PPP2R3A: variants seen among roughly 807,000 people sequenced by gnomAD.
The protein encoded by PPP2R3A is protein phosphatase 2 regulatory subunit B''alpha, also known as serine/threonine-protein phosphatase 2A regulatory subunit B'' subunit alpha.
PPP2R3A carries 80 observed loss-of-function variants against 106.9 expected under a neutral mutation model. The ratio of observed to expected loss-of-function variants is 0.75; its 90% CI spans 0.62 to 0.90. The LOEUF is 0.90. Ranked by LOEUF, PPP2R3A falls within the 40% of genes least tolerant of loss-of-function variation. The pLI is 0.00. For missense variants in PPP2R3A, 1,386 were observed against 1,350.4 expected, an observed-to-expected ratio of 1.03 and a Z score of -0.41; for synonymous variants, 483 against 468.3, an observed-to-expected ratio of 1.03 and a Z score of -0.41.
intron 13 of PPP2R3A, among the ~76,000 whole-genome samples, chr3:136,133,107 A>G (rs1306026636): frequency 6.6e-6 from 1 of 152,182 alleles, no homozygotes; most frequent in Non-Finnish European, 1.5e-5. Context: ...AAAACAAAGG[A>G]AAATCTTTGT....
chr3:135,968,980 C>T (rs1937167265), intron 1 of PPP2R3A, among the ~76,000 whole-genome samples: 1 of 152,028 alleles, frequency 6.6e-6, no homozygotes, highest in Non-Finnish European at 1.5e-5. Flanking sequence ...AGATTGTTTC[C>T]AGTAATTTAC....
rs765710461 is a variant in PPP2R3A, at chr3:136,003,352, A to G, written c.1854A>G (p.Glu618=). 4 of 1,613,886 alleles carry G rather than the reference A, an allele frequency of 2.5e-6. No individual in the cohort carries two copies. The African/African-American group carries it at 5.3e-5, about 22-fold the overall frequency. ...CAAGCAGAGGGAGCCTATCACAAGAAAAGGAAATGATGCAAATTCTACAGG... is the reference window on the plus strand; with the variant it reads ...CAAGCAGAGGGAGCCTATCACAAGAGAAGGAAATGATGCAAATTCTACAGG... ...CKSSRGSLSQ[E]KEMMQILQET... Residue 618 remains glutamate (E), a synonymous_variant, in exon 2 of 14, where the codon GAA becomes GAG. Coordinates refer to ENST00000264977, the MANE Select transcript of PPP2R3A (RefSeq NM_002718.5).
At chr3:136,111,129 A>G (rs1168753285) in intron 13 of PPP2R3A, among the ~76,000 whole-genome samples, 1 of 152,222 alleles carries the variant, frequency 6.6e-6, no homozygotes, top group Admixed American at 6.5e-5. Flanking sequence ...TGGATCCTAG[A>G]GGAAACAGTG....
chr3:136,120,670 CA>C (rs1002071151), intron 13 of PPP2R3A, among the ~76,000 whole-genome samples: 1 of 151,958 alleles, frequency 6.6e-6, no homozygotes, highest in Non-Finnish European at 1.5e-5. Flanking sequence ...AAAATATTCT[CA>C]AACTGTGCAT....
At chr3:136,027,123 C>T in intron 3 of PPP2R3A, 25 bp downstream of exon 3, 1 of 1,586,938 alleles carries the variant, frequency 6.3e-7, no homozygotes, top group Non-Finnish European at 8.6e-7. Flanking sequence ...AAATGATTTA[C>T]AATCTCCCCT....
rs753324812 is a variant in PPP2R3A at position 136,090,561 on chromosome 3, C to T, written c.2838-17C>T. 1 of 1,596,406 alleles carries T rather than the reference C, an allele frequency of 6.3e-7. No individual in the cohort carries two copies. Among genetic ancestry groups the T allele is most frequent in the Admixed American group, 1.7e-5 (1 of 59,872 alleles). On this transcript the variant is annotated splice_polypyrimidine_tract_variant and intron_variant, in intron 9 of 13. Coordinates refer to ENST00000264977, the MANE Select transcript of PPP2R3A (RefSeq NM_002718.5). ...AGTAATTGCTCAGGAAATTTTATAA[C>T]CATGTGTTTTCTTTAGGGGAAAAAC...
chr3:136,080,994 TTTC>T (rs1936762692), intron 7 of PPP2R3A, among the ~76,000 whole-genome samples: 1 of 150,280 alleles, frequency 6.7e-6, no homozygotes, highest in Admixed American at 6.6e-5. Context: ...GTGTTTCTTT[TTTC>T]TTTTTTTTTT....
At chr3:135,983,715 T>C (rs545008797) in intron 1 of PPP2R3A, among the ~76,000 whole-genome samples, 1 of 152,254 alleles carries the variant, frequency 6.6e-6, no homozygotes, top group Non-Finnish European at 1.5e-5. Context: ...GGCTTTATGC[T>C]TAGCCTTATG....
intron 5 of PPP2R3A, among the ~76,000 whole-genome samples, chr3:136,058,770 C>T (rs1039245025): frequency 6.6e-6 from 1 of 151,852 alleles, no homozygotes; most frequent in East Asian, 1.9e-4. Flanking sequence ...TACAAGGCTA[C>T]ACAGTGTGGT....
chr3:136,011,793 G>C (rs1174246403), intron 2 of PPP2R3A, among the ~76,000 whole-genome samples: 2 of 152,164 alleles, frequency 1.3e-5, no homozygotes, highest in Non-Finnish European at 2.9e-5. Flanking sequence ...CCCTCTCATG[G>C]ATCTACTTTT....
intron 3 of PPP2R3A, among the ~76,000 whole-genome samples, chr3:136,038,327 C>T (rs1463219893): frequency 6.6e-6 from 1 of 152,150 alleles, no homozygotes; most frequent in Non-Finnish European, 1.5e-5. Context: ...TGTACCCTGT[C>T]TCTGAGGATT....
chr3:136,060,026 A>T (rs1017034587), intron 5 of PPP2R3A, among the ~76,000 whole-genome samples: 3 of 152,188 alleles, frequency 2.0e-5, no homozygotes, highest in African/African-American at 7.2e-5. Flanking sequence ...AAAATAACTA[A>T]TAGTTAATGG....
chr3:136,049,629 G>C (rs1935610383), intron 5 of PPP2R3A, among the ~76,000 whole-genome samples: 1 of 152,168 alleles, frequency 6.6e-6, no homozygotes, highest in Admixed American at 6.5e-5. Flanking sequence ...GCAGAGGAGA[G>C]GGGCCACTCA....
At chr3:136,071,394 G>T (rs1936425348) in intron 6 of PPP2R3A, among the ~76,000 whole-genome samples, 1 of 152,162 alleles carries the variant, frequency 6.6e-6, no homozygotes, top group Admixed American at 6.5e-5. Context: ...CAGTGCTTTT[G>T]CATTGGCTCT....
intron 6 of PPP2R3A, among the ~76,000 whole-genome samples, chr3:136,072,247 A>G (rs575662732): frequency 6.6e-6 from 1 of 152,300 alleles, no homozygotes; most frequent in South Asian, 2.1e-4. Flanking sequence ...ATTCCCTGGC[A>G]TATAATAGAC....
At chr3:135,968,638 C>G (rs1000380788) in intron 1 of PPP2R3A, among the ~76,000 whole-genome samples, 1 of 142,292 alleles carries the variant, frequency 7.0e-6, no homozygotes. Flanking sequence ...AGACCGACGC[C>G]TGGGCCCTCC....
chr3:136,122,124 A>C (rs566813387), intron 13 of PPP2R3A, among the ~76,000 whole-genome samples: 1 of 152,316 alleles, frequency 6.6e-6, no homozygotes, highest in South Asian at 2.1e-4. Flanking sequence ...CTGTATACTG[A>C]AATAAATGAA....
chr3:135,979,208 G>C (rs145795908), intron 1 of PPP2R3A, among the ~76,000 whole-genome samples: 1 of 151,382 alleles, frequency 6.6e-6, no homozygotes, highest in Non-Finnish European at 1.5e-5. Context: ...GTGAAACCCC[G>C]TCTCTACTAA....
chr3:136,104,031 T>G (rs1290010842), intron 12 of PPP2R3A, among the ~76,000 whole-genome samples: 1 of 152,210 alleles, frequency 6.6e-6, no homozygotes, highest in Non-Finnish European at 1.5e-5. Context: ...AAAAATTATG[T>G]TAAGAACAGA....
Sources: gnomAD v4.1 joint callset for allele counts (sites outside exome capture counted in the v4.1 genomes callset) on GRCh38, gnomAD v4.1.1 for gene constraint, MANE v1.5 for transcripts, NCBI Gene and HGNC (gene_info 2026-07-23, HGNC 2026-07-21) for gene names.